Variants in UMAD1 observed in about 807,000 individuals in gnomAD.
UMAD1 encodes the protein UBAP1-MVB12-associated (UMA)-domain containing protein 1.
Under a neutral mutation model 6.1 loss-of-function variants are expected in UMAD1, and 8 were observed. The ratio of observed to expected loss-of-function variants is 1.30; its 90% confidence interval spans 0.76 to 2.35. The LOEUF is 2.35. Ranked by LOEUF, UMAD1 falls within the 30% of genes most tolerant of loss-of-function variation. UMAD1 has a pLI of 0.00. For missense variants in UMAD1, 130 were observed against 78.4 expected (o/e 1.66, Z -2.49); for synonymous variants, 56 against 31.4 (o/e 1.78, Z -2.61).
chr7:7,747,122 A>G (rs1205201999), intron 2 of UMAD1, among the ~76,000 whole-genome samples: 1 of 152,188 alleles, frequency 6.6e-6, no homozygotes, highest in African/African-American at 2.4e-5. Context: ...AGAAATAGTA[A>G]TGAGATACTT....
chr7:7,693,121 C>T (rs1780214855), intron 2 of UMAD1, among the ~76,000 whole-genome samples: 1 of 151,976 alleles, frequency 6.6e-6, no homozygotes, highest in Non-Finnish European at 1.5e-5. Flanking sequence ...AAAAGGAACC[C>T]CAAAGGTATA....
intron 3 of UMAD1, among the ~76,000 whole-genome samples, chr7:7,847,304 A>G (rs894320264): frequency 2.7e-5 from 4 of 150,836 alleles, no homozygotes; most frequent in Admixed American, 6.6e-5. Flanking sequence ...ACTCTAGCTG[A>G]TGCTTCACAG....
chr7:7,759,349 A>C lies in UMAD1; in HGVS notation c.83-42321A>C, dbSNP rs1781839826. Among the ~76,000 whole-genome samples the C allele has an allele frequency of 1.3e-5, 2 of 152,208 alleles. 1 individual carries two copies. The highest frequency in any genetic ancestry group is 4.1e-4 in the South Asian group (2 of 4,828). The stretch of plus-strand genomic sequence containing the variant: ...AATAAACATATAAATAATATATTTT[A>C]AAGTATGTTGTCTACATGTGCTGGG... On this transcript the variant is annotated intron_variant, in intron 2 of 3. Coordinates refer to ENST00000682710, the MANE Select transcript of UMAD1 (RefSeq NM_001302348.2).
intron 2 of UMAD1, among the ~76,000 whole-genome samples, chr7:7,683,822 C>T (rs903634141): frequency 1.3e-5 from 2 of 152,122 alleles, no homozygotes; most frequent in Non-Finnish European, 2.9e-5. Context: ...AGGGTTTCAC[C>T]ATGTTGGCCA....
chr7:7,771,251 T>G (rs534428606), intron 2 of UMAD1, among the ~76,000 whole-genome samples: 1 of 152,256 alleles, frequency 6.6e-6, no homozygotes, highest in South Asian at 2.1e-4. Flanking sequence ...AGGGCTTAAT[T>G]AAAATAAAGT....
At chr7:7,689,940 G>A (rs903641248) in intron 2 of UMAD1, among the ~76,000 whole-genome samples, 13 of 152,254 alleles carry the variant, frequency 8.5e-5, no homozygotes, top group Non-Finnish European at 1.3e-4. Flanking sequence ...ATAATAGTTT[G>A]CTACTTATAT....
intron 1 of UMAD1, among the ~76,000 whole-genome samples, chr7:7,657,549 A>G (rs4725012): frequency 0.36 from 55,447 of 151,966 alleles, 10,920 homozygotes; most frequent in East Asian, 0.8. Context: ...AGTTTTCCCA[A>G]CAGCATTTAT....
At chr7:7,845,313 A>G (rs1239726672) in intron 3 of UMAD1, among the ~76,000 whole-genome samples, 1 of 151,986 alleles carries the variant, frequency 6.6e-6, no homozygotes, top group Admixed American at 6.6e-5. Flanking sequence ...TAAATTACAT[A>G]TGTAGTTCTT....
intron 3 of UMAD1, among the ~76,000 whole-genome samples, chr7:7,816,503 C>G (rs996112705): frequency 6.6e-6 from 1 of 152,218 alleles, no homozygotes; most frequent in Non-Finnish European, 1.5e-5. Context: ...ATCACCGCCA[C>G]TCAGAGGTGG....
intron 2 of UMAD1, among the ~76,000 whole-genome samples, chr7:7,719,951 T>C (rs1781010391): frequency 1.3e-5 from 2 of 152,220 alleles, no homozygotes; most frequent in Non-Finnish European, 2.9e-5. Context: ...TAAAGGTGTT[T>C]AATAAGTACT....
intron 2 of UMAD1, among the ~76,000 whole-genome samples, chr7:7,792,194 T>A (rs1196590328): frequency 6.6e-6 from 1 of 152,268 alleles, no homozygotes; most frequent in African/African-American, 2.4e-5. Flanking sequence ...TGCTTTTCTT[T>A]AATTCACAGT....
chr7:7,879,100 A>G lies in UMAD1; in HGVS notation c.*1562A>G, dbSNP rs1344567553. ...TTTGTCGAAAATACCTAAACATTTC[A>G]TCTATATTTGTGCCTACCATGTTAT... is the stretch of plus-strand genomic sequence containing the variant. On this transcript the variant is annotated 3_prime_UTR_variant, in exon 4 of 4. Transcript: ENST00000682710. 6.6e-6 allele frequency: 1 copy of G among 152,212 alleles called. No individual in the cohort carries two copies. Among genetic ancestry groups the G allele is most frequent in the Admixed American group, 6.5e-5 (1 of 15,284 alleles). 9.4% of individuals were successfully genotyped at this position (152,212 alleles called of 1,614,324 possible).
chr7:7,842,560 G>T (rs1488164585), intron 3 of UMAD1, among the ~76,000 whole-genome samples: 4 of 151,794 alleles, frequency 2.6e-5, no homozygotes, highest in Admixed American at 2.6e-4. Context: ...TAACCTGTGG[G>T]CAGTTCCCTG....
chr7:7,659,339 T>TTC (rs1178919446), intron 1 of UMAD1, among the ~76,000 whole-genome samples: 1 of 152,212 alleles, frequency 6.6e-6, no homozygotes, highest in Non-Finnish European at 1.5e-5. Context: ...TTTCTTGTCT[T>TTC]CTGCTAGCTT....
intron 2 of UMAD1, among the ~76,000 whole-genome samples, chr7:7,756,552 A>T (rs116621669): frequency 0.081 from 12,308 of 152,200 alleles, 791 homozygotes; most frequent in African/African-American, 0.17. Flanking sequence ...TTCTGGTGGC[A>T]AGATGGCTAC....
intron 3 of UMAD1, among the ~76,000 whole-genome samples, chr7:7,823,569 CATG>C (rs1783283873): frequency 6.6e-6 from 1 of 152,062 alleles, no homozygotes; most frequent in Non-Finnish European, 1.5e-5. Flanking sequence ...CATTTGTCCA[CATG>C]TCTTTTGGGA....
chr7:7,835,462 CTTTTTTTTTTTTTT>C (rs150411259), intron 3 of UMAD1, among the ~76,000 whole-genome samples: 195 of 33,596 alleles, frequency 5.8e-3, no homozygotes, highest in Middle Eastern at 0.048. Flanking sequence ...TGAAACAGCA[CTTTTTTTTTTTTTT>C]TTTTTTTTTT....
intron 2 of UMAD1, among the ~76,000 whole-genome samples, chr7:7,765,003 CTT>C (rs199681920): frequency 7.0e-6 from 1 of 143,794 alleles, no homozygotes; most frequent in Admixed American, 7.0e-5. Flanking sequence ...TAATATCATT[CTT>C]TTTTTTTTTT....
At chr7:7,672,505 A>G (rs764966015) in intron 1 of UMAD1, among the ~76,000 whole-genome samples, 1 of 152,178 alleles carries the variant, frequency 6.6e-6, no homozygotes, top group Non-Finnish European at 1.5e-5. Context: ...TCCCCACCCA[A>G]ATCTCACTTT....
Sources: allele counts gnomAD v4.1 joint callset (sites outside exome capture counted in the v4.1 genomes callset), GRCh38; gene constraint gnomAD v4.1.1; transcripts MANE v1.5; gene names NCBI Gene and HGNC (gene_info 2026-07-23, HGNC 2026-07-21).